The following RNF215 variants were observed in gnomAD, a reference collection of about 807,000 sequenced individuals.
RNF215 encodes the protein ring finger protein 215.
Under a neutral mutation model 44.8 loss-of-function variants are expected in RNF215, and 41 were observed. That is an observed-to-expected ratio of 0.92 (90% CI 0.71 to 1.19). The LOEUF is 1.19. Among genes scored for constraint, RNF215 ranks in the 50% most tolerant of loss-of-function variants. The pLI is 0.00. For synonymous variants in RNF215, 218 were observed against 230.1 expected, an observed-to-expected ratio of 0.95 and a Z score of 0.48; for missense variants, 452 against 496.2, an observed-to-expected ratio of 0.91 and a Z score of 0.85.
At position 30,386,631 on chromosome 22, in the gene RNF215, C is replaced by T. The variant is rs765985650; in HGVS notation, c.414G>A (p.Lys138=). The T allele has an allele frequency of 4.3e-6, 7 of 1,612,944 alleles. No homozygotes were observed. The highest frequency in any genetic ancestry group is 5.9e-6 in the Non-Finnish European group (7 of 1,179,796). Residue 138 remains lysine (K), a synonymous_variant, in exon 2 of 9, where the codon AAG becomes AAA. Transcript: ENST00000382363. ...TCCCCTGCACCTGCTGGACCAGGGC[C>T]TTGGGATAGGCCTGCGGGCCACTGC... The part of the protein sequence containing the change: ...NKGSGPQAYP[K]ALVQQMRRAL...
In RNF215 at chr22:30,384,256, C is replaced by T. The variant is rs1016389924; in HGVS notation, c.744+83G>A. On this transcript the variant is annotated intron_variant, in intron 5 of 8. Transcript: ENST00000382363. ...TCCTTGTCACTAAGGTGGGGAGAAGCCACAGGATTTTCAATACAAAGCCAT... is the reference window on the plus strand; with the variant it reads ...TCCTTGTCACTAAGGTGGGGAGAAGTCACAGGATTTTCAATACAAAGCCAT... 53 of 1,426,260 alleles carry T rather than the reference C, an allele frequency of 3.7e-5. No individual in the cohort carries two copies. The Admixed American group carries it at 1.0e-3, about 27-fold the overall frequency. The allele number at this position is 1,426,260 out of a possible 1,614,324, so 88.4% of individuals were successfully genotyped here. A position where few individuals can be genotyped will look rare whatever the true frequency, so the allele number is the denominator to read the frequency against.
chr22:30,380,263 CCCTGGGGCTG>C lies in RNF215; in HGVS notation c.864+9_864+18del. The C allele has an allele frequency of 2.5e-6, 4 of 1,611,044 alleles. No individual in the cohort carries two copies. Among genetic ancestry groups the C allele is most frequent in the Non-Finnish European group, 3.4e-6 (4 of 1,178,278 alleles). On this transcript the variant is annotated intron_variant, in intron 6 of 8. Transcript: ENST00000382363. The surrounding 1 kb of genome is among the most constrained non-coding windows in gnomAD (Gnocchi z 5.3). The stretch of plus-strand genomic sequence containing the variant: ...TCCAAGGGCTGAGGGTGCTGGGGCT[CCCTGGGGCTG>C]GCTCCCACCTGGCCTCCGAGCTCCC...
chr22:30,387,349 A>G lies in RNF215; in HGVS notation c.-36T>C. Reference sequence around the variant, plus strand: ...GGCGAGCTGGCCCAACAGTGGGGCCAGGGGTCCCGGGCGCGGGGGGGATCG... The same window carrying G: ...GGCGAGCTGGCCCAACAGTGGGGCCGGGGGTCCCGGGCGCGGGGGGGATCG... On this transcript the variant is annotated 5_prime_UTR_variant, in exon 1 of 9. Transcript: ENST00000382363. The G allele has an allele frequency of 9.7e-7, 1 of 1,034,688 alleles. No homozygotes were observed. The highest frequency in any genetic ancestry group is 1.2e-6 in the Non-Finnish European group (1 of 863,550). 64.1% of individuals were successfully genotyped at this position (1,034,688 alleles called of 1,614,324 possible).
Position 30,385,999 on chromosome 22 carries a change from G to A in RNF215, c.502-10C>T. On this transcript the variant is annotated splice_polypyrimidine_tract_variant and intron_variant, in intron 3 of 8. Coordinates refer to ENST00000382363, the MANE Select transcript of RNF215 (RefSeq NM_001017981.2). ...GCTGGGATATGTCCAGCTGCAGGGAGACAAGGAGGTCAGCAGGCCTGGGTC... is the reference window on the plus strand; with the variant it reads ...GCTGGGATATGTCCAGCTGCAGGGAAACAAGGAGGTCAGCAGGCCTGGGTC... 6.2e-7 allele frequency: 1 copy of A among 1,614,110 alleles called. No homozygotes were observed.
chr22:30,380,854 A>T lies in RNF215; in HGVS notation c.745-453T>A, dbSNP rs1164372489. Among the ~76,000 whole-genome samples, 1 of 151,100 alleles carries T rather than the reference A, an allele frequency of 6.6e-6. No individual in the cohort carries two copies. The highest frequency in any genetic ancestry group is 6.6e-5 in the Admixed American group (1 of 15,180). ...TCACCCATCCAGCCTGAATGTTCGC[A>T]CCCCCCTGTACGGGAGGGAGCCAGC... On this transcript the variant is annotated intron_variant, in intron 5 of 8. Coordinates refer to ENST00000382363, the MANE Select transcript of RNF215 (RefSeq NM_001017981.2). This position sits in a 1 kb window ranked among gnomAD's most constrained non-coding sequence, Gnocchi z 5.3.
chr22:30,387,267 G>T lies in RNF215; in HGVS notation c.47C>A (p.Pro16Gln), dbSNP rs1051895665. ...CAGCAGCGGAGACGGAGGCGGCGGC[G>T]GAGGCGGCGGCGGCGATCTCAGCGC... is the stretch of plus-strand genomic sequence containing the variant. ...RPALRSPPPP[P>Q]PPPPSPLLLL... Residue 16 changes from proline (P) to glutamine (Q), a missense_variant, in exon 1 of 9, where the codon CCG becomes CAG. By Grantham distance (76) the Pro-to-Gln change is moderately conservative. Coordinates refer to ENST00000382363, the MANE Select transcript of RNF215 (RefSeq NM_001017981.2). The T allele has an allele frequency of 5.7e-6, 6 of 1,053,536 alleles. No homozygotes were observed. In the African/African-American group the frequency reaches 1.0e-4, roughly 18 times the overall value. The allele number at this position is 1,053,536 out of a possible 1,614,324, so 65.3% of individuals were successfully genotyped here.
intron 4 of RNF215, 91 bp from the exon 5 acceptor site, chr22:30,384,586 C>T: frequency 1.7e-6 from 2 of 1,179,472 alleles, no homozygotes; most frequent in Non-Finnish European, 2.4e-6. Context: ...AAAAGGATAC[C>T]TACGACTGTC....
chr22:30,379,766 C>A lies in RNF215; in HGVS notation c.1056G>T (p.Val352=). 1.9e-6 allele frequency: 3 copies of A among 1,569,974 alleles called. No homozygotes were observed. Among genetic ancestry groups the A allele is most frequent in the Non-Finnish European group, 2.6e-6 (3 of 1,158,404 alleles). Residue 352 remains valine (V), a synonymous_variant, in exon 8 of 9, where the codon GTG becomes GTT. Coordinates refer to ENST00000382363, the MANE Select transcript of RNF215 (RefSeq NM_001017981.2). Reference sequence around the variant, plus strand: ...TCTGCTGGAGCATCAGCCAGGGGTCCACACAGTCTCGGTGAAACTCGTGCT... The same window carrying A: ...TCTGCTGGAGCATCAGCCAGGGGTCAACACAGTCTCGGTGAAACTCGTGCT... ...PCKHEFHRDC[V]DPWLMLQQTC... is the part of the protein sequence containing the mutation.
intron 5 of RNF215, among the ~76,000 whole-genome samples, chr22:30,384,084 G>A (rs751825991): frequency 6.6e-6 from 1 of 152,208 alleles, no homozygotes; most frequent in Non-Finnish European, 1.5e-5. Context: ...TTTACAGGCA[G>A]TGGAATAAGG....
chr22:30,379,996 G>A (rs1226450257), intron 7 of RNF215, 66 bp downstream of exon 7: 9 of 1,600,352 alleles, frequency 5.6e-6, no homozygotes, highest in Non-Finnish European at 6.8e-6. Flanking sequence ...TGGTTCCAAG[G>A]TCCCAGGAGT....
In RNF215 at chr22:30,379,350, T is replaced by C; in HGVS notation, c.*250A>G. On this transcript the variant is annotated 3_prime_UTR_variant, in exon 9 of 9. Coordinates refer to ENST00000382363, the MANE Select transcript of RNF215 (RefSeq NM_001017981.2). ...AGGAGGGCAGACTCACGTCACAGGA[T>C]TGCAGAGAAGGTCCCAAAGTGACCT... 1 of 570,788 alleles carries C rather than the reference T, an allele frequency of 1.8e-6. No individual in the cohort carries two copies. The highest frequency in any genetic ancestry group is 3.1e-6 in the Non-Finnish European group (1 of 318,928). 35.4% of individuals were successfully genotyped at this position (570,788 alleles called of 1,614,324 possible).
In RNF215 at chr22:30,379,506, G is replaced by C. The variant is rs1933489257; in HGVS notation, c.*94C>G. On this transcript the variant is annotated 3_prime_UTR_variant, in exon 9 of 9. Transcript: ENST00000382363. ...CTGGGCTTGCTGTCCTGTCTATCCT[G>C]CTGTCCCATCCTGTCCTGTCCTGGG... The C allele has an allele frequency of 5.5e-6, 8 of 1,459,328 alleles. No individual in the cohort carries two copies. The highest frequency in any genetic ancestry group is 6.5e-6 in the Non-Finnish European group (7 of 1,081,080). 90.4% of individuals were successfully genotyped at this position (1,459,328 alleles called of 1,614,324 possible).
chr22:30,387,319 G>T lies in RNF215; in HGVS notation c.-6C>A. 9.4e-7 allele frequency: 1 copy of T among 1,060,458 alleles called. No individual in the cohort carries two copies. The highest frequency in any genetic ancestry group is 4.4e-5 in the South Asian group (1 of 22,786). 65.7% of individuals were successfully genotyped at this position (1,060,458 alleles called of 1,614,324 possible). A position where few individuals can be genotyped will look rare whatever the true frequency, so the allele number is the denominator to read the frequency against. ...GGGCGAGCGGCGGGGCCCATGGCCG[G>T]ACCCGGCGAGCTGGCCCAACAGTGG... On this transcript the variant is annotated 5_prime_UTR_variant, in exon 1 of 9. Transcript: ENST00000382363.
At chr22:30,386,557 C>G (rs1056091073) in intron 2 of RNF215, 59 bp downstream of exon 2, 1 of 1,566,614 alleles carries the variant, frequency 6.4e-7, no homozygotes, top group Admixed American at 1.8e-5. Flanking sequence ...GGGCCTGGCT[C>G]TAGCAGATGC....
Position 30,386,096 on chromosome 22 carries a change from T to C in RNF215, c.475A>G (p.Ile159Val). ...TCTCGGACCACGTTGTGGTTCAGGA[T>C]GAGAAGAAGCAGGGCAGAGGCACCC... ...FLGASALLLL[I>V]LNHNVVRELD... The change falls in exon 3 of 9, where the codon ATC (isoleucine) becomes GTC (valine). Residue 159 changes from isoleucine (I) to valine (V), a missense_variant. Ile to Val is a conservative substitution (Grantham distance 29, BLOSUM62 3). Transcript: ENST00000382363. 6.2e-7 allele frequency: 1 copy of C among 1,609,538 alleles called. No individual in the cohort carries two copies. The highest frequency in any genetic ancestry group is 8.5e-7 in the Non-Finnish European group (1 of 1,178,152).
chr22:30,386,956 C>T (rs942419651), intron 1 of RNF215, 73 bp downstream of exon 1: 2 of 1,510,130 alleles, frequency 1.3e-6, no homozygotes, highest in Non-Finnish European at 1.8e-6. Flanking sequence ...AACGTCGGTT[C>T]AGGGTGCGGG....
At position 30,379,460 on chromosome 22, in the gene RNF215, C is replaced by T; in HGVS notation, c.*140G>A. The T allele has an allele frequency of 9.9e-7, 1 of 1,013,584 alleles. No homozygotes were observed. The highest frequency in any genetic ancestry group is 1.4e-6 in the Non-Finnish European group (1 of 693,836). The allele number at this position is 1,013,584 out of a possible 1,614,324, so 62.8% of individuals were successfully genotyped here. A position where few individuals can be genotyped will look rare whatever the true frequency, so the allele number is the denominator to read the frequency against. On this transcript the variant is annotated 3_prime_UTR_variant, in exon 9 of 9. Coordinates refer to ENST00000382363, the MANE Select transcript of RNF215 (RefSeq NM_001017981.2). ...CTTCCCAGTGTGGACATGGTGGGGC[C>T]CTCATCCTTCCTCCCACCCACTGGG... is the stretch of plus-strand genomic sequence containing the variant.
At chr22:30,386,926 T>C (rs1933608851) in intron 1 of RNF215, 103 bp downstream of exon 1, 3 of 1,490,624 alleles carry the variant, frequency 2.0e-6, no homozygotes, top group Non-Finnish European at 2.7e-6. Context: ...CGCTGGACTC[T>C]CAAGGCTTGG....
Position 30,379,547 on chromosome 22 carries a change from C to T in RNF215, c.*53G>A. 1 of 1,544,280 alleles carries T rather than the reference C, an allele frequency of 6.5e-7. No individual in the cohort carries two copies. Among genetic ancestry groups the T allele is most frequent in the Admixed American group, 2.0e-5 (1 of 50,970 alleles). ...CTGTCCTGGGAGCCCAGGCTGAGGA[C>T]CGGGGTGCAGGCAGGAAGGGTCCAT... is the stretch of plus-strand genomic sequence containing the variant. On this transcript the variant is annotated 3_prime_UTR_variant, in exon 9 of 9. Transcript: ENST00000382363.
Sources: allele counts gnomAD v4.1 joint callset (sites outside exome capture counted in the v4.1 genomes callset), GRCh38; gene constraint gnomAD v4.1.1; non-coding constraint Gnocchi (gnomAD v3.1); transcripts MANE v1.5; gene names NCBI Gene and HGNC (gene_info 2026-07-23, HGNC 2026-07-21).